Variants in FCGR2A observed in about 807,000 individuals in gnomAD.
FCGR2A encodes low affinity immunoglobulin gamma Fc region receptor II-a.
In FCGR2A, 18 loss-of-function variants were observed where a neutral mutation model predicts 29.3. The observed-to-expected ratio is 0.62, with a 90% confidence interval of 0.43 to 0.91. The LOEUF is 0.91. Among genes scored for constraint, FCGR2A ranks in the 40% least tolerant of loss-of-function variants. FCGR2A has a pLI of 0.00. For missense variants in FCGR2A, 287 were observed against 393.0 expected, an observed-to-expected ratio of 0.73 and a Z score of 2.28; for synonymous variants, 126 against 144.8, an observed-to-expected ratio of 0.87 and a Z score of 0.93.
intron 6 of FCGR2A, among the ~76,000 whole-genome samples, chr1:161,517,141 T>C (rs1300668812): frequency 6.7e-6 from 1 of 150,076 alleles, no homozygotes; most frequent in Non-Finnish European, 1.5e-5. Flanking sequence ...GCTCCAAATA[T>C]TAACTTTGTT....
intron 3 of FCGR2A, 99 bp downstream of exon 3, chr1:161,506,690 T>C (rs939878496): frequency 6.4e-7 from 1 of 1,561,720 alleles, no homozygotes; most frequent in Non-Finnish European, 8.7e-7. Flanking sequence ...CGTGGACTGC[T>C]TACTGGGAAG....
intron 6 of FCGR2A, among the ~76,000 whole-genome samples, chr1:161,517,444 G>C (rs552746509): frequency 2.3e-4 from 35 of 152,206 alleles, no homozygotes; most frequent in African/African-American, 8.4e-4. Context: ...CAGAAACAAA[G>C]AATTTAAAGT....
At chr1:161,510,766 A>G in intron 4 of FCGR2A, 68 bp from the exon 5 acceptor site, 3 of 1,587,394 alleles carry the variant, frequency 1.9e-6, no homozygotes, top group Non-Finnish European at 2.6e-6. Context: ...GAGGTGGGAC[A>G]GGGAGAATAC....
Position 161,510,961 on chromosome 1 carries a change from G to A in FCGR2A, c.742+5G>A, listed in dbSNP as rs1372858295. Reference sequence around the variant, plus strand: ...GCAGGAAAAAGCGGATTTCAGGTTTGTAGCTCCTCCCAGTCCCTTTTGTTA... The same window carrying A: ...GCAGGAAAAAGCGGATTTCAGGTTTATAGCTCCTCCCAGTCCCTTTTGTTA... On this transcript the variant is annotated splice_donor_5th_base_variant and intron_variant, in intron 5 of 6. Transcript: ENST00000271450. The A allele has an allele frequency of 1.2e-6, 2 of 1,614,022 alleles. No homozygotes were observed. The highest frequency in any genetic ancestry group is 2.2e-5 in the East Asian group (1 of 44,896).
downstream of FCGR2A, among the ~76,000 whole-genome samples, chr1:161,521,807 G>A (rs555659296): frequency 3.7e-4 from 56 of 152,176 alleles, no homozygotes; most frequent in African/African-American, 1.3e-3. Flanking sequence ...ACGTGGAACT[G>A]TAAGTCCATT....
chr1:161,521,607 G>A (rs1676452779), downstream of FCGR2A, among the ~76,000 whole-genome samples: 1 of 152,018 alleles, frequency 6.6e-6, no homozygotes, highest in Non-Finnish European at 1.5e-5. Context: ...CACATGGGAG[G>A]GACCCAGTGG....
intron 6 of FCGR2A, among the ~76,000 whole-genome samples, chr1:161,515,620 T>A (rs1315066198): frequency 1.3e-5 from 2 of 151,908 alleles, no homozygotes; most frequent in Non-Finnish European, 2.9e-5. Context: ...TTCAGCAAAA[T>A]GACTCATCAA....
intron 6 of FCGR2A, among the ~76,000 whole-genome samples, chr1:161,515,621 G>T (rs1038824692): frequency 6.6e-6 from 1 of 151,866 alleles, no homozygotes; most frequent in Non-Finnish European, 1.5e-5. Context: ...TCAGCAAAAT[G>T]ACTCATCAAA....
At chr1:161,520,271 A>G (rs1278333000), downstream of FCGR2A, among the ~76,000 whole-genome samples, 1 of 152,128 alleles carries the variant, frequency 6.6e-6, no homozygotes, top group African/African-American at 2.4e-5. Flanking sequence ...AGGCCTCAGG[A>G]AACTTACAAT....
chr1:161,516,814 T>C (rs1489372745), intron 6 of FCGR2A, among the ~76,000 whole-genome samples: 1 of 135,128 alleles, frequency 7.4e-6, no homozygotes, highest in Non-Finnish European at 1.6e-5. Flanking sequence ...TTTTGTTTTT[T>C]AGTTCCACTA....
At position 161,510,239 on chromosome 1, in the gene FCGR2A, AG is replaced by A. The variant is rs1675681579; in HGVS notation, c.619+169del. The A allele has an allele frequency of 2.3e-6, 3 of 1,286,232 alleles. No individual in the cohort carries two copies. The Admixed American group carries it at 7.7e-5, about 33-fold the overall frequency. The allele number at this position is 1,286,232 out of a possible 1,614,324, so 79.7% of individuals were successfully genotyped here. A position where few individuals can be genotyped will look rare whatever the true frequency, so the allele number is the denominator to read the frequency against. ...CCTGGCTAAGTATTGACCAACAAGTAGGGGCCAGAGCTTGGAGCCCTCACGT... is the reference window on the plus strand; with the variant it reads ...CCTGGCTAAGTATTGACCAACAAGTAGGGCCAGAGCTTGGAGCCCTCACGT... On this transcript the variant is annotated intron_variant, in intron 4 of 6. Coordinates refer to ENST00000271450, the MANE Select transcript of FCGR2A (RefSeq NM_001136219.3).
In FCGR2A at chr1:161,518,618, C is replaced by CT. The variant is rs10537486; in HGVS notation, c.*482dup. 0.64 allele frequency: 101,591 copies of CT among 158,654 alleles called. 31,591 individuals carry two copies. Among genetic ancestry groups the CT allele is most frequent in the East Asian group, 0.83 (4,331 of 5,208 alleles). 9.8% of individuals were successfully genotyped at this position (158,654 alleles called of 1,614,324 possible). A position where few individuals can be genotyped will look rare whatever the true frequency, so the allele number is the denominator to read the frequency against. ...GCGCCTCAGATTTTTCCTTTAACAT[C>CT]TTTTTTTTTTTTGACAGAGTCTCAA... On this transcript the variant is annotated 3_prime_UTR_variant, in exon 7 of 7. Coordinates refer to ENST00000271450, the MANE Select transcript of FCGR2A (RefSeq NM_001136219.3).
intron 3 of FCGR2A, among the ~76,000 whole-genome samples, chr1:161,508,522 G>A (rs1675566236): frequency 1.3e-5 from 2 of 150,668 alleles, no homozygotes; most frequent in Non-Finnish European, 2.9e-5. Context: ...GGGAGGTGGA[G>A]TTTGCAGTGA....
chr1:161,512,953 T>C (rs1197395979), intron 5 of FCGR2A, among the ~76,000 whole-genome samples: 3 of 152,210 alleles, frequency 2.0e-5, no homozygotes, highest in Non-Finnish European at 2.9e-5. Flanking sequence ...CGAGGCACTT[T>C]TGCAGCCAGG....
intron 4 of FCGR2A, 149 bp downstream of exon 4, chr1:161,510,223 G>C: frequency 1.4e-6 from 2 of 1,409,124 alleles, no homozygotes; most frequent in African/African-American, 2.9e-5. Flanking sequence ...GCCTGGCTAA[G>C]TATTGACCAA....
chr1:161,516,108 T>C (rs1676130163), intron 6 of FCGR2A, among the ~76,000 whole-genome samples: 1 of 152,106 alleles, frequency 6.6e-6, no homozygotes, highest in African/African-American at 2.4e-5. Context: ...AAGCTCATGT[T>C]GTCTGCTATA....
Position 161,506,339 on chromosome 1 carries a change from C to G in FCGR2A, c.112C>G (p.Pro38Ala). Reference protein sequence around the residue: ...LASADSQAAAPPKAVLKLEPP... With the variant: ...LASADSQAAAAPKAVLKLEPP... ...CTTTCCACTCTGCCCCTCAGCAGCT[C>G]CCCCAAAGGCTGTGCTGAAACTTGA... Residue 38 changes from proline to alanine, a missense_variant, in exon 3 of 7, where the codon CCC becomes GCC. Pro to Ala is a conservative substitution (Grantham distance 27). Coordinates refer to ENST00000271450, the MANE Select transcript of FCGR2A (RefSeq NM_001136219.3). 6.2e-6 allele frequency: 10 copies of G among 1,614,210 alleles called. No individual in the cohort carries two copies. The highest frequency in any genetic ancestry group is 8.5e-6 in the Non-Finnish European group (10 of 1,180,042).
At chr1:161,512,178 G>C (rs1675837436) in intron 5 of FCGR2A, among the ~76,000 whole-genome samples, 1 of 150,860 alleles carries the variant, frequency 6.6e-6, no homozygotes. Flanking sequence ...GGGGCTGTAA[G>C]ACTGAGGCCA....
At chr1:161,521,015 C>G (rs1676431267), downstream of FCGR2A, among the ~76,000 whole-genome samples, 1 of 150,534 alleles carries the variant, frequency 6.6e-6, no homozygotes, top group African/African-American at 2.5e-5. Flanking sequence ...TGTTCTTTCT[C>G]ATAGACCCAC....
Sources: gnomAD v4.1 joint callset for allele counts (sites outside exome capture counted in the v4.1 genomes callset) on GRCh38, gnomAD v4.1.1 for gene constraint, MANE v1.5 for transcripts, NCBI Gene and HGNC (gene_info 2026-07-23, HGNC 2026-07-21) for gene names.